The following RAPH1 variants were observed in gnomAD, a reference collection of about 807,000 sequenced individuals.
RAPH1 encodes the protein ras-associated and pleckstrin homology domains-containing protein 1.
A neutral mutation model predicts 88.1 loss-of-function variants in RAPH1; 18 were observed. The observed-to-expected ratio is 0.20, with a 90% CI of 0.14 to 0.30. RAPH1 has a LOEUF of 0.30. Among genes scored for constraint, RAPH1 ranks in the 10% least tolerant of loss-of-function variants. The pLI is 1.00. For missense variants in RAPH1, 1,448 were observed against 1,543.2 expected (o/e 0.94, Z 1.03); for synonymous variants, 587 against 559.0 (o/e 1.05, Z -0.71).
intron 4 of RAPH1, among the ~76,000 whole-genome samples, chr2:203,485,535 C>A (rs1024574582): frequency 6.6e-6 from 1 of 152,092 alleles, no homozygotes; most frequent in African/African-American, 2.4e-5. Flanking sequence ...CAACAGGGGT[C>A]AGTTTCACAA....
intron 10 of RAPH1, among the ~76,000 whole-genome samples, chr2:203,450,443 C>T (rs980057547): frequency 1.3e-5 from 2 of 152,080 alleles, no homozygotes; most frequent in Admixed American, 6.6e-5. Context: ...TCCTTGTCCA[C>T]GGTAAATTAC....
intron 6 of RAPH1, among the ~76,000 whole-genome samples, chr2:203,460,961 A>G (rs939315218): frequency 2.0e-5 from 3 of 151,922 alleles, no homozygotes; most frequent in Non-Finnish European, 1.5e-5. Flanking sequence ...TAAAAAATAC[A>G]AAATATTAGC....
At chr2:203,466,583 T>TA (rs2098528643) in intron 4 of RAPH1, among the ~76,000 whole-genome samples, 2 of 152,374 alleles carry the variant, frequency 1.3e-5, no homozygotes, top group South Asian at 4.1e-4. Flanking sequence ...TTATTCATCT[T>TA]ATGTTCCGCT....
At chr2:203,524,318 T>C (rs1690023000) in intron 1 of RAPH1, among the ~76,000 whole-genome samples, 1 of 152,194 alleles carries the variant, frequency 6.6e-6, no homozygotes. Flanking sequence ...AGTGTCATAT[T>C]ATGCTGTTGG....
At chr2:203,456,377 G>A (rs2153639521) in intron 8 of RAPH1, among the ~76,000 whole-genome samples, 1 of 152,338 alleles carries the variant, frequency 6.6e-6, no homozygotes, top group South Asian at 2.1e-4. Context: ...AACGTGCTAA[G>A]TGTATGATTA....
intron 1 of RAPH1, among the ~76,000 whole-genome samples, chr2:203,526,764 G>A (rs1402804996): frequency 6.7e-6 from 1 of 149,796 alleles, no homozygotes; most frequent in East Asian, 1.9e-4. Context: ...AATATGAAAG[G>A]CTCATTATTA....
At chr2:203,517,690 A>G (rs1458376418) in intron 1 of RAPH1, among the ~76,000 whole-genome samples, 1 of 152,218 alleles carries the variant, frequency 6.6e-6, no homozygotes, top group Non-Finnish European at 1.5e-5. Context: ...CAATGTAACT[A>G]AACTAGAAAT....
chr2:203,489,550 AC>A, intron 4 of RAPH1, 33 bp downstream of exon 4: 1 of 1,400,876 alleles, frequency 7.1e-7, no homozygotes, highest in South Asian at 2.0e-5. Context: ...TATTTTAATA[AC>A]AAAATACCAG....
Position 203,512,755 on chromosome 2 carries a change from C to G in RAPH1, c.1-17402G>C, listed in dbSNP as rs542001885. ...CTCCTTGCCTCAGCCTCCCAAGTAG[C>G]TGGGATTACAGGCACATGCCACCAT... On this transcript the variant is annotated intron_variant, in intron 1 of 13. Transcript: ENST00000319170. 4.9e-4 allele frequency among the ~76,000 whole-genome samples: 74 copies of G among 151,700 alleles called. 1 individual carries two copies. Among genetic ancestry groups the G allele is most frequent in the Admixed American group, 2.2e-3 (33 of 15,230 alleles).
intron 4 of RAPH1, among the ~76,000 whole-genome samples, chr2:203,476,537 C>T (rs766573119): frequency 3.9e-5 from 6 of 152,076 alleles, no homozygotes; most frequent in African/African-American, 7.2e-5. Flanking sequence ...TTTATCCTTA[C>T]AGCACACAAT....
chr2:203,445,224 T>A (rs1292314011), intron 12 of RAPH1: 3 of 466,410 alleles, frequency 6.4e-6, no homozygotes, highest in Non-Finnish European at 1.1e-5. Flanking sequence ...GTGTTAAATA[T>A]TTCACCATGA....
chr2:203,455,358 C>A, intron 9 of RAPH1, 79 bp downstream of exon 9: 1 of 1,324,222 alleles, frequency 7.6e-7, no homozygotes. Context: ...AGCCTGGGTT[C>A]ACCTTGTCAG....
chr2:203,511,493 T>A (rs940509699), intron 1 of RAPH1, among the ~76,000 whole-genome samples: 1 of 152,216 alleles, frequency 6.6e-6, no homozygotes, highest in Non-Finnish European at 1.5e-5. Context: ...TTAATGACTC[T>A]CTGGTAAAAA....
At chr2:203,504,268 G>C (rs1182018301) in intron 1 of RAPH1, among the ~76,000 whole-genome samples, 1 of 152,166 alleles carries the variant, frequency 6.6e-6, no homozygotes, top group Non-Finnish European at 1.5e-5. Context: ...CTTTTGCCTA[G>C]GCATCCAGGT....
chr2:203,486,408 G>C (rs1687974236), intron 4 of RAPH1, among the ~76,000 whole-genome samples: 1 of 152,132 alleles, frequency 6.6e-6, no homozygotes, highest in South Asian at 2.1e-4. Flanking sequence ...GGAAAAACAG[G>C]AAGGGAGAAG....
chr2:203,489,842 T>C lies in RAPH1; in HGVS notation c.474A>G (p.Ala158=), dbSNP rs776768127. Residue 158 remains alanine (A), a synonymous_variant, in exon 4 of 14, where the codon GCA becomes GCG. Transcript: ENST00000319170. ...TACTCAAAGAGGCCTGTTCTAACTGTGCAGTGACGTCGTCCAAGGAGTAGC... is the reference window on the plus strand; with the variant it reads ...TACTCAAAGAGGCCTGTTCTAACTGCGCAGTGACGTCGTCCAAGGAGTAGC... ...HASYSLDDVT[A]QLEQASLSMD... is the part of the protein sequence containing the mutation. The C allele has an allele frequency of 1.2e-6, 2 of 1,614,262 alleles. No homozygotes were observed. Among genetic ancestry groups the C allele is most frequent in the East Asian group, 2.2e-5 (1 of 44,892 alleles).
In RAPH1 at chr2:203,489,988, G is replaced by C. The variant is rs750458185; in HGVS notation, c.328C>G (p.Arg110Gly). The change falls in exon 4 of 14, where the codon CGT (arginine) becomes GGT (glycine). Residue 110 changes from arginine (R) to glycine (G), a missense_variant. Arg to Gly is a moderately radical substitution (Grantham distance 125, BLOSUM62 -2). This residue lies in a region of RAPH1 where 513 missense variants were observed against 653.1 expected (regional missense o/e 0.79). Transcript: ENST00000319170. ...GTAGCTTTCGTTTCTGTGATTTGAC[G>C]CTTACTGTTTCCTGAACCAATGCTG... The part of the protein sequence containing the change: ...LSSIGSGNSK[R>G]QITETKATQK... The C allele has an allele frequency of 2.5e-6, 4 of 1,614,040 alleles. No individual in the cohort carries two copies.
In RAPH1 at chr2:203,455,419, C is replaced by A. The variant is rs770887315; in HGVS notation, c.1302+18G>T. ...TTAGCATAATGAGGAAGTTCAAATT[C>A]CAACAGAAGGGACACACCTTTGCTT... On this transcript the variant is annotated intron_variant, in intron 9 of 13. Transcript: ENST00000319170. 14 of 1,603,276 alleles carry A rather than the reference C, an allele frequency of 8.7e-6. No homozygotes were observed. In the East Asian group the frequency reaches 2.9e-4, roughly 33 times the overall value.
chr2:203,485,608 G>T (rs1687932287), intron 4 of RAPH1, among the ~76,000 whole-genome samples: 1 of 152,104 alleles, frequency 6.6e-6, no homozygotes, highest in Non-Finnish European at 1.5e-5. Context: ...TCCAGGAAAA[G>T]AATGCCAGGA....
Sources: gnomAD v4.1 joint callset for allele counts (sites outside exome capture counted in the v4.1 genomes callset) on GRCh38, gnomAD v4.1.1 for gene constraint, gnomAD v4.1.1 regional missense constraint, MANE v1.5 for transcripts, NCBI Gene and HGNC (gene_info 2026-07-23, HGNC 2026-07-21) for gene names.